The following HTR1E variants were observed in gnomAD, a reference collection of about 807,000 sequenced individuals.
HTR1E encodes the protein 5-hydroxytryptamine receptor 1E.
HTR1E carries 3 observed loss-of-function variants against 3.4 expected under a neutral mutation model. The observed-to-expected ratio is 0.89, with a 90% CI of 0.41 to 2.31. HTR1E has a LOEUF of 2.31. Ranked by LOEUF, HTR1E falls within the 30% of genes most tolerant of loss-of-function variation. HTR1E has a pLI of 0.05. For missense variants in HTR1E, 392 were observed against 467.0 expected, an observed-to-expected ratio of 0.84 and a Z score of 1.48; for synonymous variants, 170 against 182.8, an observed-to-expected ratio of 0.93 and a Z score of 0.56.
chr6:86,989,144 G>C (rs1767838429), intron 1 of HTR1E, among the ~76,000 whole-genome samples: 1 of 152,094 alleles, frequency 6.6e-6, no homozygotes, highest in Non-Finnish European at 1.5e-5. Context: ...TCTGTTCTAA[G>C]GGATCCTCCA....
intron 1 of HTR1E, among the ~76,000 whole-genome samples, chr6:86,998,558 G>C (rs778812143): frequency 7.2e-5 from 11 of 152,032 alleles, no homozygotes; most frequent in Non-Finnish European, 1.6e-4. Context: ...AAATTTGTAG[G>C]ATATAGCTAA....
At chr6:86,950,516 T>C (rs1406150890) in intron 1 of HTR1E, among the ~76,000 whole-genome samples, 1 of 152,204 alleles carries the variant, frequency 6.6e-6, no homozygotes, top group Non-Finnish European at 1.5e-5. Flanking sequence ...AACAAGGTAC[T>C]TAACTACCCT....
chr6:86,953,471 C>T (rs1224039298), intron 1 of HTR1E, among the ~76,000 whole-genome samples: 3 of 152,210 alleles, frequency 2.0e-5, no homozygotes, highest in East Asian at 1.9e-4. Flanking sequence ...TTCTAAGGGT[C>T]GGCAGGCTGT....
At chr6:86,956,478 CT>C (rs1767325652) in intron 1 of HTR1E, among the ~76,000 whole-genome samples, 1 of 152,176 alleles carries the variant, frequency 6.6e-6, no homozygotes, top group South Asian at 2.1e-4. Flanking sequence ...ATCAGAAAAT[CT>C]TTAAATCCAC....
At chr6:86,956,834 C>A (rs1767332855) in intron 1 of HTR1E, among the ~76,000 whole-genome samples, 1 of 152,156 alleles carries the variant, frequency 6.6e-6, no homozygotes, top group South Asian at 2.1e-4. Context: ...TTATGTTTCA[C>A]TTTCTGTTTT....
At chr6:86,985,638 C>A (rs1767774476) in intron 1 of HTR1E, among the ~76,000 whole-genome samples, 1 of 152,116 alleles carries the variant, frequency 6.6e-6, no homozygotes, top group Admixed American at 6.5e-5. Flanking sequence ...ATCAGGACAA[C>A]CACTATGGCT....
At chr6:87,005,280 A>G (rs1582282042) in intron 1 of HTR1E, among the ~76,000 whole-genome samples, 1 of 152,214 alleles carries the variant, frequency 6.6e-6, no homozygotes, top group African/African-American at 2.4e-5. Context: ...AGAGTAGTCA[A>G]AGCCATTCTG....
At chr6:86,988,423 C>T (rs528288183) in intron 1 of HTR1E, among the ~76,000 whole-genome samples, 1 of 152,224 alleles carries the variant, frequency 6.6e-6, no homozygotes, top group African/African-American at 2.4e-5. Context: ...TTATTACTCA[C>T]AGTAATAGCA....
intron 1 of HTR1E, among the ~76,000 whole-genome samples, chr6:86,961,855 C>G (rs1427169206): frequency 6.6e-6 from 1 of 152,216 alleles, no homozygotes; most frequent in Admixed American, 6.5e-5. Flanking sequence ...ACAGATTTCA[C>G]ATTTTTAACC....
chr6:86,972,998 C>T (rs745593920), intron 1 of HTR1E, among the ~76,000 whole-genome samples: 2 of 152,134 alleles, frequency 1.3e-5, no homozygotes, highest in Non-Finnish European at 1.5e-5. Flanking sequence ...CACAGAAGCA[C>T]GTTCTACCAC....
At chr6:86,984,309 CAT>C (rs1767753066) in intron 1 of HTR1E, among the ~76,000 whole-genome samples, 1 of 152,172 alleles carries the variant, frequency 6.6e-6, no homozygotes, top group South Asian at 2.1e-4. Flanking sequence ...ATTCTACTCT[CAT>C]GTGGATGTTT....
At chr6:86,968,624 CTATT>C (rs1292637073) in intron 1 of HTR1E, among the ~76,000 whole-genome samples, 1 of 152,104 alleles carries the variant, frequency 6.6e-6, no homozygotes, top group Non-Finnish European at 1.5e-5. Context: ...TCTGTGAACT[CTATT>C]TATATTTTCA....
intron 1 of HTR1E, among the ~76,000 whole-genome samples, chr6:86,981,027 T>C (rs1767704793): frequency 6.6e-6 from 1 of 152,112 alleles, no homozygotes; most frequent in South Asian, 2.1e-4. Flanking sequence ...GTGGAAAGAG[T>C]TCTGAAGACA....
chr6:87,000,439 C>T (rs1768004204), intron 1 of HTR1E: 1 of 151,974 alleles, frequency 6.6e-6, no homozygotes, highest in Non-Finnish European at 1.5e-5. Context: ...ATAAGACCAC[C>T]TCAAAACATT....
At chr6:86,951,510 T>C (rs979869382) in intron 1 of HTR1E, among the ~76,000 whole-genome samples, 2 of 152,202 alleles carry the variant, frequency 1.3e-5, no homozygotes, top group Non-Finnish European at 2.9e-5. Flanking sequence ...CTATTTCCTA[T>C]GTAAATAACT....
chr6:87,011,954 C>G (rs1768243863), intron 1 of HTR1E, among the ~76,000 whole-genome samples: 2 of 152,150 alleles, frequency 1.3e-5, no homozygotes, highest in South Asian at 4.1e-4. Flanking sequence ...TCCTGGGGGT[C>G]TAAGACTTGG....
chr6:86,978,911 C>A (rs1169049595), intron 1 of HTR1E, among the ~76,000 whole-genome samples: 1 of 152,172 alleles, frequency 6.6e-6, no homozygotes, highest in Non-Finnish European at 1.5e-5. Context: ...TGCAAGGTAA[C>A]CTCATTGATT....
At chr6:86,981,070 G>A (rs1336856604) in intron 1 of HTR1E, among the ~76,000 whole-genome samples, 1 of 152,214 alleles carries the variant, frequency 6.6e-6, no homozygotes, top group Non-Finnish European at 1.5e-5. Context: ...CTAAGCAGCT[G>A]TAGGTCTTTT....
At chr6:86,939,521 CAG>C (rs1001801026) in intron 1 of HTR1E, among the ~76,000 whole-genome samples, 4 of 152,148 alleles carry the variant, frequency 2.6e-5, no homozygotes, top group African/African-American at 9.7e-5. Flanking sequence ...CTTCTAGTAA[CAG>C]AGCTAGAAAG....
Sources: allele counts gnomAD v4.1 joint callset (sites outside exome capture counted in the v4.1 genomes callset), GRCh38; gene constraint gnomAD v4.1.1; transcripts MANE v1.5; gene names NCBI Gene and HGNC (gene_info 2026-07-23, HGNC 2026-07-21).